HELB: variants seen among roughly 807,000 people sequenced by gnomAD.
The protein encoded by HELB is DNA helicase B.
HELB carries 96 observed loss-of-function variants against 101.7 expected under a neutral mutation model. The observed-to-expected ratio is 0.94, with a 90% CI of 0.80 to 1.12. The LOEUF is 1.12. HELB is among the 50% of genes most tolerant of loss of function. The probability of loss-of-function intolerance (pLI) is 0.00; values close to 1 mark genes in which losing one functional copy is unlikely to be tolerated. For missense variants in HELB, 1,210 were observed against 1,291.9 expected (o/e 0.94, Z 0.97); for synonymous variants, 437 against 459.7 (o/e 0.95, Z 0.63).
chr12:66,329,017 C>T (rs2053775532), intron 11 of HELB, among the ~76,000 whole-genome samples: 1 of 152,082 alleles, frequency 6.6e-6, no homozygotes, highest in South Asian at 2.1e-4. Flanking sequence ...TTTTGTGGCT[C>T]TTCATACAAG....
chr12:66,316,344 T>C (rs115496526), intron 6 of HELB, among the ~76,000 whole-genome samples: 5 of 152,194 alleles, frequency 3.3e-5, no homozygotes, highest in Non-Finnish European at 7.3e-5. Flanking sequence ...CTAGATATAA[T>C]GGGACCTTTG....
intron 11 of HELB, among the ~76,000 whole-genome samples, chr12:66,329,775 T>C (rs2053784255): frequency 6.6e-6 from 1 of 152,200 alleles, no homozygotes; most frequent in Non-Finnish European, 1.5e-5. Flanking sequence ...ACTATATTTT[T>C]CTCAGTGTTG....
At chr12:66,333,544 G>A (rs758669781) in intron 12 of HELB, among the ~76,000 whole-genome samples, 1 of 151,996 alleles carries the variant, frequency 6.6e-6, no homozygotes, top group African/African-American at 2.4e-5. Flanking sequence ...AAATTAGCCA[G>A]GCATGGTGGC....
rs1378959325 is a variant in HELB, at chr12:66,309,722, G to A, written c.794G>A (p.Trp265Ter). ...TTCTTAAAGATAACCTACAGAGAGT[G>A]GAAACTCCTGCGATGTGAGGCAAGT... ...LGFSKITYREWKLLRCEASWI... is the reference protein window; with the variant it reads ...LGFSKITYRE The change falls in exon 4 of 13, where the codon TGG becomes TAG. Residue 265 changes from tryptophan (W) to a stop codon, truncating the protein, a stop_gained. Transcript: ENST00000247815. LOFTEE classifies it high-confidence loss of function. 1 of 1,607,226 alleles carries A rather than the reference G, an allele frequency of 6.2e-7. No homozygotes were observed.
At chr12:66,333,311 A>T (rs369202559) in intron 12 of HELB, among the ~76,000 whole-genome samples, 2 of 152,298 alleles carry the variant, frequency 1.3e-5, no homozygotes, top group East Asian at 3.9e-4. Flanking sequence ...CTGAGCACTG[A>T]ATGTTACCAA....
In HELB at chr12:66,310,608, G is replaced by C; in HGVS notation, c.1680G>C (p.Gln560His). The C allele has an allele frequency of 6.2e-7, 1 of 1,602,812 alleles. No individual in the cohort carries two copies. Among genetic ancestry groups the C allele is most frequent in the Non-Finnish European group, 8.5e-7 (1 of 1,176,070 alleles). The change falls in exon 4 of 13, where the codon CAG becomes CAC. Residue 560 changes from glutamine to histidine, a missense_variant and splice_region_variant. Gln to His is a conservative substitution (Grantham distance 24, BLOSUM62 0). Coordinates refer to ENST00000247815, the MANE Select transcript of HELB (RefSeq NM_001370285.1). Reference sequence around the variant, plus strand: ...GTCTTCATGCCTACACACTGTGTCAGGTAAAACCTTTGACATTTCATCTGT... The same window carrying C: ...GTCTTCATGCCTACACACTGTGTCACGTAAAACCTTTGACATTTCATCTGT... ...KTGLHAYTLC[Q>H]VNYSFYSWTQ...
At position 66,314,136 on chromosome 12, in the gene HELB, T is replaced by C. The variant is rs1462576099; in HGVS notation, c.1831T>C (p.Ser611Pro). 6.2e-7 allele frequency: 1 copy of C among 1,613,586 alleles called. No homozygotes were observed. The highest frequency in any genetic ancestry group is 8.5e-7 in the Non-Finnish European group (1 of 1,179,606). The change falls in exon 5 of 13, where the codon TCC (serine) becomes CCC (proline). Residue 611 changes from serine to proline, a missense_variant. Ser to Pro is a moderately conservative substitution (Grantham distance 74). Around this residue, in one of 2 missense-constraint regions of HELB, gnomAD observed 740 missense variants for 728.8 expected, o/e 1.02. Coordinates refer to ENST00000247815, the MANE Select transcript of HELB (RefSeq NM_001370285.1). ...GGTCTTAAATTTATTGTGTGAGCAC[T>C]CCAAACTTTCTAAGCTTATTATCCT... ...KSVLNLLCEH[S>P]KLSKLIILGD...
intron 10 of HELB, chr12:66,324,758 G>T (rs1022740290): frequency 1.6e-5 from 8 of 498,146 alleles, no homozygotes; most frequent in African/African-American, 1.5e-4. Flanking sequence ...GAGTCAAATT[G>T]AAGATAAGTT....
chr12:66,323,357 G>T (rs1380811044), intron 9 of HELB, among the ~76,000 whole-genome samples: 5 of 152,122 alleles, frequency 3.3e-5, no homozygotes. Flanking sequence ...GAAAGCATGG[G>T]CTTGAGGCCA....
intron 7 of HELB, among the ~76,000 whole-genome samples, chr12:66,320,700 T>C (rs2137003657): frequency 7.3e-6 from 1 of 137,732 alleles, no homozygotes; most frequent in Middle Eastern, 3.8e-3. Context: ...TAGTCTCTTC[T>C]TCAAGGAAAT....
Position 66,331,365 on chromosome 12 carries a change from C to T in HELB, c.2882C>T (p.Pro961Leu), listed in dbSNP as rs755874929. ...LQSKLSSSGA[P>L]PADFPSPRKS... ...AGTAAGCTCTCCTCTAGCGGCGCAC[C>T]TCCAGCAGATTTTCCGTCCCCACGG... Residue 961 changes from proline (P) to leucine (L), a missense_variant, in exon 12 of 13, where the codon CCT (proline) becomes CTT (leucine). Around this residue, in one of 2 missense-constraint regions of HELB, gnomAD observed 740 missense variants for 728.8 expected, o/e 1.02. Transcript: ENST00000247815. 6.2e-7 allele frequency: 1 copy of T among 1,614,210 alleles called. No individual in the cohort carries two copies. Among genetic ancestry groups the T allele is most frequent in the Non-Finnish European group, 8.5e-7 (1 of 1,180,030 alleles).
At position 66,306,557 on chromosome 12, in the gene HELB, G is replaced by A. The variant is rs746307577; in HGVS notation, c.777+43G>A. 8.6e-6 allele frequency: 12 copies of A among 1,392,530 alleles called. No homozygotes were observed. In the African/African-American group the frequency reaches 1.5e-4, roughly 17 times the overall value. The allele number at this position is 1,392,530 out of a possible 1,614,324, so 86.3% of individuals were successfully genotyped here. On this transcript the variant is annotated intron_variant, in intron 3 of 12. Transcript: ENST00000247815. The stretch of plus-strand genomic sequence containing the variant: ...TCAGCATATAGTAATCTTGTGTAAG[G>A]CATGGTTTCAGATTTGGCAATTTTC...
intron 12 of HELB, among the ~76,000 whole-genome samples, chr12:66,337,730 C>T (rs1273605569): frequency 2.6e-5 from 4 of 152,104 alleles, no homozygotes; most frequent in East Asian, 3.9e-4. Flanking sequence ...TGGGCCCTGT[C>T]TACACCTTTA....
At chr12:66,336,971 G>A (rs1421525102) in intron 12 of HELB, among the ~76,000 whole-genome samples, 1 of 152,152 alleles carries the variant, frequency 6.6e-6, no homozygotes, top group Non-Finnish European at 1.5e-5. Flanking sequence ...TCAGTAACCT[G>A]CGTAAAATGA....
At position 66,322,707 on chromosome 12, in the gene HELB, A is replaced by G. The variant is rs1272045854; in HGVS notation, c.2238-17A>G. 7.5e-6 allele frequency: 12 copies of G among 1,597,776 alleles called. No homozygotes were observed. In the Admixed American group the frequency reaches 1.0e-4, roughly 13 times the overall value. ...CAGAGACCATTAAGGTGACCCCTGC[A>G]TTTTCGTGTGTTTCAGGCAAGACTG... On this transcript the variant is annotated splice_polypyrimidine_tract_variant and intron_variant, in intron 8 of 12. Transcript: ENST00000247815.
chr12:66,325,336 G>C (rs1197510754), intron 11 of HELB, among the ~76,000 whole-genome samples: 1 of 152,116 alleles, frequency 6.6e-6, no homozygotes, highest in Admixed American at 6.5e-5. Context: ...GGCATTATAG[G>C]TAAAGTCTCC....
Position 66,306,332 on chromosome 12 carries a change from T to C in HELB, c.608-13T>C. ...ATTTATGTTTTACTTTGTTCCTTTC[T>C]GATATCTTGTAGTTCCATTTAGAAA... On this transcript the variant is annotated splice_polypyrimidine_tract_variant and intron_variant, in intron 2 of 12. Transcript: ENST00000247815. 6.5e-7 allele frequency: 1 copy of C among 1,546,584 alleles called. No homozygotes were observed. The highest frequency in any genetic ancestry group is 8.7e-7 in the Non-Finnish European group (1 of 1,147,400).
chr12:66,305,047 T>C lies in HELB; in HGVS notation c.504T>C (p.Thr168=), dbSNP rs772241255. 9 of 1,613,242 alleles carry C rather than the reference T, an allele frequency of 5.6e-6. No individual in the cohort carries two copies. Residue 168 remains threonine (T), a synonymous_variant, in exon 2 of 13, where the codon ACT becomes ACC. Coordinates refer to ENST00000247815, the MANE Select transcript of HELB (RefSeq NM_001370285.1). ...NFENLRETLR[T]FHKETGRKDQ... ...AAAATCTTAGGGAAACACTAAGAAC[T>C]TTCCACAAGGAAACTGGAAGGAAAG...
rs768689895 is a variant in HELB, at chr12:66,302,837, A to G, written c.187+47A>G. The G allele has an allele frequency of 1.2e-5, 18 of 1,506,026 alleles. No individual in the cohort carries two copies. The Middle Eastern group carries it at 6.3e-4, about 52-fold the overall frequency. 93.3% of individuals were successfully genotyped at this position (1,506,026 alleles called of 1,614,324 possible). A position where few individuals can be genotyped will look rare whatever the true frequency, so the allele number is the denominator to read the frequency against. On this transcript the variant is annotated intron_variant, in intron 1 of 12. Coordinates refer to ENST00000247815, the MANE Select transcript of HELB (RefSeq NM_001370285.1). ...GGGATGGGGTTGGAGGGTCCAAAGT[A>G]GCGCTTCCCATTCTGGCTTTGCCCT...
Sources: gnomAD v4.1 joint callset for allele counts (sites outside exome capture counted in the v4.1 genomes callset) on GRCh38, gnomAD v4.1.1 for gene constraint, gnomAD v4.1.1 regional missense constraint, MANE v1.5 for transcripts, NCBI Gene and HGNC (gene_info 2026-07-23, HGNC 2026-07-21) for gene names.